The following MAP3K9 variants were observed in gnomAD, a reference collection of about 807,000 sequenced individuals.
MAP3K9 encodes the protein mitogen-activated protein kinase kinase kinase 9, also known as mixed lineage kinase 1 (tyr and ser/thr specificity).
Under a neutral mutation model 95.8 loss-of-function variants are expected in MAP3K9, and 46 were observed. That is an observed-to-expected ratio of 0.48 (90% CI 0.38 to 0.61). MAP3K9 has a LOEUF of 0.61. MAP3K9 is among the 20% of genes least tolerant of loss of function. MAP3K9 has a pLI of 0.00. For missense variants in MAP3K9, 1,296 were observed against 1,474.3 expected (o/e 0.88, Z 1.98); for synonymous variants, 533 against 593.8 (o/e 0.90, Z 1.49).
At chr14:70,738,434 T>C in intron 7 of MAP3K9, 36 bp from the exon 8 acceptor site, 1 of 1,605,386 alleles carries the variant, frequency 6.2e-7, no homozygotes, top group Non-Finnish European at 8.5e-7. Flanking sequence ...ATCTAGAAAA[T>C]GGACAGACAG....
At chr14:70,808,259 G>A (rs1566773432) in intron 1 of MAP3K9, among the ~76,000 whole-genome samples, 1 of 152,168 alleles carries the variant, frequency 6.6e-6, no homozygotes, top group Non-Finnish European at 1.5e-5. Context: ...ACATGCTTCC[G>A]GGACTTGTGA....
intron 2 of MAP3K9, chr14:70,765,424 C>T (rs1440113172): frequency 1.5e-6 from 1 of 686,032 alleles, no homozygotes; most frequent in Non-Finnish European, 2.7e-6. Context: ...TCTTCACATT[C>T]ACTCACCACT....
chr14:70,745,663 G>A (rs140912671), intron 5 of MAP3K9, among the ~76,000 whole-genome samples: 2,827 of 152,016 alleles, frequency 0.019, 38 homozygotes, highest in Non-Finnish European at 0.03. Context: ...GCTTGAACCC[G>A]GGAGGTGGAG....
intron 3 of MAP3K9, among the ~76,000 whole-genome samples, chr14:70,758,446 C>T (rs1231431302): frequency 3.3e-5 from 5 of 151,918 alleles, no homozygotes; most frequent in Non-Finnish European, 7.4e-5. Context: ...ACATTGCTAA[C>T]GGGAATATAA....
At chr14:70,757,795 G>A (rs945637126) in intron 3 of MAP3K9, among the ~76,000 whole-genome samples, 8 of 151,982 alleles carry the variant, frequency 5.3e-5, no homozygotes, top group Non-Finnish European at 1.0e-4. Context: ...CAAATAATTC[G>A]ATGGGAAAAA....
chr14:70,742,911 T>TATATATATATATATA (rs2054094808), intron 5 of MAP3K9, among the ~76,000 whole-genome samples: 9 of 143,074 alleles, frequency 6.3e-5, no homozygotes, highest in African/African-American at 2.1e-4. Context: ...TTATATATAT[T>TATATATATATATATA]TATATATATA....
chr14:70,737,662 T>C (rs2054003551), intron 8 of MAP3K9, among the ~76,000 whole-genome samples: 1 of 152,232 alleles, frequency 6.6e-6, no homozygotes, highest in African/African-American at 2.4e-5. Context: ...GGCTGGGTTA[T>C]TCTGCCTGCC....
intron 2 of MAP3K9, among the ~76,000 whole-genome samples, chr14:70,763,714 A>G (rs1432491846): frequency 6.6e-6 from 1 of 151,930 alleles, no homozygotes; most frequent in Non-Finnish European, 1.5e-5. Flanking sequence ...TAGTTTTTGT[A>G]GAGAAGTGGG....
At chr14:70,738,664 A>C (rs1224712160) in intron 7 of MAP3K9, among the ~76,000 whole-genome samples, 3 of 152,220 alleles carry the variant, frequency 2.0e-5, no homozygotes, top group African/African-American at 7.2e-5. Flanking sequence ...GGCCAGCCAG[A>C]CATCAGAGTT....
intron 2 of MAP3K9, among the ~76,000 whole-genome samples, chr14:70,794,073 G>A (rs1224408939): frequency 5.3e-5 from 8 of 152,208 alleles, no homozygotes; most frequent in Non-Finnish European, 1.0e-4. Flanking sequence ...GGTTTGAACT[G>A]AGCACAGAAA....
At chr14:70,807,750 A>G (rs1158507329) in intron 1 of MAP3K9, among the ~76,000 whole-genome samples, 1 of 152,230 alleles carries the variant, frequency 6.6e-6, no homozygotes, top group East Asian at 1.9e-4. Flanking sequence ...AAACTGCACT[A>G]AAGAGATATT....
In MAP3K9 at chr14:70,722,744, T is replaced by G. The variant is rs1594754229; in HGVS notation, c.*7636A>C. The G allele has an allele frequency of 1.3e-5, 2 of 151,126 alleles. No individual in the cohort carries two copies. Among genetic ancestry groups the G allele is most frequent in the East Asian group, 3.9e-4 (2 of 5,154 alleles). The allele number at this position is 151,126 out of a possible 1,614,324, so 9.4% of individuals were successfully genotyped here. A position where few individuals can be genotyped will look rare whatever the true frequency, so the allele number is the denominator to read the frequency against. On this transcript the variant is annotated 3_prime_UTR_variant, in exon 12 of 12. Transcript: ENST00000554752. The stretch of plus-strand genomic sequence containing the variant: ...TTCAGGACTTTTTCATCTTTAAATA[T>G]TGTTGACAACATACAATAACTTAAA...
intron 2 of MAP3K9, among the ~76,000 whole-genome samples, chr14:70,768,759 C>T (rs548626010): frequency 6.6e-6 from 1 of 152,156 alleles, no homozygotes; most frequent in South Asian, 2.1e-4. Flanking sequence ...CCCATTAGGT[C>T]CTAATGGTAA....
At chr14:70,777,707 G>A (rs78697158) in intron 2 of MAP3K9, among the ~76,000 whole-genome samples, 1 of 152,352 alleles carries the variant, frequency 6.6e-6, no homozygotes, top group Non-Finnish European at 1.5e-5. Flanking sequence ...ATCCTTGGCT[G>A]TGAAAAGATA....
chr14:70,783,633 G>C (rs1371764666), intron 2 of MAP3K9, among the ~76,000 whole-genome samples: 1 of 152,228 alleles, frequency 6.6e-6, no homozygotes, highest in Non-Finnish European at 1.5e-5. Context: ...TTCAAGGAAT[G>C]AACAGTGAAG....
intron 2 of MAP3K9, among the ~76,000 whole-genome samples, chr14:70,769,499 A>G (rs1226064122): frequency 6.6e-6 from 1 of 152,248 alleles, no homozygotes; most frequent in African/African-American, 2.4e-5. Flanking sequence ...TAGGGCTGCC[A>G]TAACAAATTA....
intron 8 of MAP3K9, among the ~76,000 whole-genome samples, chr14:70,736,365 T>C (rs952049173): frequency 6.6e-6 from 1 of 152,232 alleles, no homozygotes; most frequent in Non-Finnish European, 1.5e-5. Flanking sequence ...TTAACATTAC[T>C]GAATTCAAAA....
At chr14:70,774,044 A>G (rs2054563634) in intron 2 of MAP3K9, among the ~76,000 whole-genome samples, 1 of 152,264 alleles carries the variant, frequency 6.6e-6, no homozygotes, top group Non-Finnish European at 1.5e-5. Context: ...GTATGATACA[A>G]TGAAAGATTT....
intron 2 of MAP3K9, among the ~76,000 whole-genome samples, chr14:70,770,315 G>A (rs1458188106): frequency 6.6e-6 from 1 of 151,972 alleles, no homozygotes; most frequent in East Asian, 1.9e-4. Context: ...CATGTAGCTG[G>A]GATTACAGGC....
Sources: allele counts gnomAD v4.1 joint callset (sites outside exome capture counted in the v4.1 genomes callset), GRCh38; gene constraint gnomAD v4.1.1; transcripts MANE v1.5; gene names NCBI Gene and HGNC (gene_info 2026-07-23, HGNC 2026-07-21).